NPEPPS: variants seen among roughly 807,000 people sequenced by gnomAD.
The protein encoded by NPEPPS is aminopeptidase puromycin sensitive.
Under a neutral mutation model 115.5 loss-of-function variants are expected in NPEPPS, and 14 were observed. That is an observed-to-expected ratio of 0.12 (90% CI 0.08 to 0.19). NPEPPS has a LOEUF of 0.19. Among genes scored for constraint, NPEPPS ranks in the 10% least tolerant of loss-of-function variants. The pLI, the probability that NPEPPS is intolerant of heterozygous loss-of-function variation, is 1.00. For synonymous variants in NPEPPS, 285 were observed against 390.6 expected (o/e 0.73, Z 3.19); for missense variants, 523 against 1,110.8 (o/e 0.47, Z 7.52).
chr17:47,534,633 A>G (rs1908062436), intron 1 of NPEPPS, among the ~76,000 whole-genome samples: 1 of 151,706 alleles, frequency 6.6e-6, no homozygotes, highest in Non-Finnish European at 1.5e-5. Flanking sequence ...ATCTCGACTC[A>G]CTGCAGCCTC....
chr17:47,613,583 T>C (rs1914009059), intron 18 of NPEPPS, 86 bp from the exon 19 acceptor site: 1 of 1,157,678 alleles, frequency 8.6e-7, no homozygotes, highest in East Asian at 2.4e-5. Flanking sequence ...TACAATATTG[T>C]TTACTTGCTT....
chr17:47,525,810 T>G (rs1157234735), intron 1 of NPEPPS, among the ~76,000 whole-genome samples: 1 of 152,162 alleles, frequency 6.6e-6, no homozygotes, highest in Non-Finnish European at 1.5e-5. Context: ...CAATAATAAT[T>G]GAGATGTACT....
intron 3 of NPEPPS, among the ~76,000 whole-genome samples, chr17:47,578,705 G>C (rs1405838987): frequency 1.3e-5 from 2 of 151,874 alleles, no homozygotes; most frequent in Non-Finnish European, 2.9e-5. Context: ...GAGGTGACTT[G>C]TAAGAATTTG....
In NPEPPS at chr17:47,621,780, A is replaced by G; in HGVS notation, c.2620A>G (p.Ser874Gly). 2 of 1,609,382 alleles carry G rather than the reference A, an allele frequency of 1.2e-6. No homozygotes were observed. Among genetic ancestry groups the G allele is most frequent in the Non-Finnish European group, 1.7e-6 (2 of 1,176,290 alleles). Reference sequence around the variant, plus strand: ...TGTTTTATACCAGGCTTTCTTCGAGAGTCACCCAGCTCCTTCAGCTGAGCG... The same window carrying G: ...TGTTTTATACCAGGCTTTCTTCGAGGGTCACCCAGCTCCTTCAGCTGAGCG... ...MAGEVKAFFESHPAPSAERTI... is the reference protein window; with the variant it reads ...MAGEVKAFFEGHPAPSAERTI... Residue 874 changes from serine to glycine, a missense_variant, in exon 23 of 23, where the codon AGT becomes GGT. Physicochemically the swap from Ser to Gly is moderately conservative, Grantham distance 56. Coordinates refer to ENST00000322157, the MANE Select transcript of NPEPPS (RefSeq NM_006310.4).
intron 17 of NPEPPS, among the ~76,000 whole-genome samples, chr17:47,610,845 CTT>C (rs59893483): frequency 2.0e-5 from 2 of 100,120 alleles, no homozygotes; most frequent in Non-Finnish European, 3.9e-5. Flanking sequence ...TATGATGACT[CTT>C]TTTTTTTTTT....
chr17:47,616,309 C>T (rs1914195856), intron 19 of NPEPPS, among the ~76,000 whole-genome samples: 1 of 152,138 alleles, frequency 6.6e-6, no homozygotes, highest in South Asian at 2.1e-4. Context: ...GTAATCCCAG[C>T]ACTTTGGATG....
chr17:47,558,777 G>A (rs1485208573), intron 2 of NPEPPS, among the ~76,000 whole-genome samples: 1 of 151,582 alleles, frequency 6.6e-6, no homozygotes, highest in African/African-American at 2.4e-5. Context: ...GCTGACGCTT[G>A]TAATCCCAGC....
chr17:47,549,990 AG>A (rs1001732688), intron 2 of NPEPPS, among the ~76,000 whole-genome samples: 1 of 146,706 alleles, frequency 6.8e-6, no homozygotes, highest in Non-Finnish European at 1.5e-5. Context: ...GCTGGAGTGC[AG>A]TGGCGCAGTC....
At chr17:47,578,347 CTT>C (rs1421038326) in intron 3 of NPEPPS, among the ~76,000 whole-genome samples, 1 of 151,942 alleles carries the variant, frequency 6.6e-6, no homozygotes, top group Non-Finnish European at 1.5e-5. Flanking sequence ...CATGCCCTAT[CTT>C]TGATTTGTTA....
intron 18 of NPEPPS, among the ~76,000 whole-genome samples, chr17:47,613,292 G>A (rs1913994404): frequency 7.7e-6 from 1 of 129,838 alleles, no homozygotes; most frequent in African/African-American, 3.0e-5. Context: ...CTGAGACGGA[G>A]TCTCACTCTG....
At chr17:47,609,422 A>G (rs1173880873) in intron 17 of NPEPPS, among the ~76,000 whole-genome samples, 2 of 152,212 alleles carry the variant, frequency 1.3e-5, no homozygotes, top group Non-Finnish European at 2.9e-5. Flanking sequence ...TTTCCTAGCT[A>G]TACAGATGGG....
At chr17:47,613,850 G>A (rs914642142) in intron 19 of NPEPPS, 125 bp downstream of exon 19, 22 of 643,606 alleles carry the variant, frequency 3.4e-5, no homozygotes, top group Non-Finnish European at 5.3e-5. Flanking sequence ...AGACATGCAA[G>A]TATTTTAAAA....
Position 47,622,752 on chromosome 17 carries a change from A to C in NPEPPS, c.*832A>C. 2.5e-6 allele frequency: 1 copy of C among 402,322 alleles called. No homozygotes were observed. Among genetic ancestry groups the C allele is most frequent in the South Asian group, 1.9e-5 (1 of 52,734 alleles). The allele number at this position is 402,322 out of a possible 1,614,324, so 24.9% of individuals were successfully genotyped here. ...TAAAGATGACTTATAAGAACCCTGA[A>C]ATTTATATAGGTGAGACAATAGAAA... is the stretch of plus-strand genomic sequence containing the variant. On this transcript the variant is annotated 3_prime_UTR_variant, in exon 23 of 23. Transcript: ENST00000322157.
At chr17:47,547,744 C>T (rs533941026) in intron 2 of NPEPPS, among the ~76,000 whole-genome samples, 6 of 152,008 alleles carry the variant, frequency 3.9e-5, no homozygotes, top group Admixed American at 2.6e-4. Context: ...AAATAATTTA[C>T]GGCCGGGCGC....
intron 17 of NPEPPS, among the ~76,000 whole-genome samples, chr17:47,608,453 CAAA>C (rs36062497): frequency 1.6e-4 from 13 of 79,172 alleles, no homozygotes; most frequent in Non-Finnish European, 2.9e-4. Context: ...GACTCCGTCT[CAAA>C]AAAAAAAAAA....
upstream of NPEPPS, among the ~76,000 whole-genome samples, chr17:47,529,323 C>T (rs1263970754): frequency 1.3e-5 from 2 of 151,742 alleles, no homozygotes; most frequent in African/African-American, 4.8e-5. Flanking sequence ...AGCCTCCATC[C>T]ACCTCCTGGG....
intron 1 of NPEPPS, among the ~76,000 whole-genome samples, chr17:47,541,870 A>G (rs1226683450): frequency 4.6e-5 from 7 of 152,210 alleles, no homozygotes; most frequent in Admixed American, 6.5e-5. Context: ...TTGTTTTGAA[A>G]CATGAAGATT....
chr17:47,571,438 G>A (rs1911183025), intron 3 of NPEPPS, among the ~76,000 whole-genome samples: 1 of 152,172 alleles, frequency 6.6e-6, no homozygotes. Flanking sequence ...AAATAAATGG[G>A]CTGGGCGTGG....
chr17:47,586,907 A>G (rs1912225665), intron 8 of NPEPPS: 2 of 394,964 alleles, frequency 5.1e-6, no homozygotes, highest in Non-Finnish European at 9.6e-6. Flanking sequence ...CACTCCCCTC[A>G]TTTAATGGAA....
Sources: allele counts gnomAD v4.1 joint callset (sites outside exome capture counted in the v4.1 genomes callset), GRCh38; gene constraint gnomAD v4.1.1; transcripts MANE v1.5; gene names NCBI Gene and HGNC (gene_info 2026-07-23, HGNC 2026-07-21).